FBXL20: variants seen among roughly 807,000 people sequenced by gnomAD.
FBXL20 encodes the protein F-box and leucine rich repeat protein 20.
FBXL20 carries 11 observed loss-of-function variants against 64.0 expected under a neutral mutation model. The ratio of observed to expected loss-of-function variants is 0.17; its 90% confidence interval spans 0.11 to 0.28. The LOEUF (loss-of-function observed/expected upper bound fraction) is 0.28. Ranked by LOEUF, FBXL20 falls within the 10% of genes least tolerant of loss-of-function variation. The probability of loss-of-function intolerance (pLI) is 1.00; values close to 1 mark genes in which losing one functional copy is unlikely to be tolerated. For synonymous variants in FBXL20, 184 were observed against 189.0 expected, an observed-to-expected ratio of 0.97 and a Z score of 0.22; for missense variants, 303 against 526.2, an observed-to-expected ratio of 0.58 and a Z score of 4.15.
Position 39,261,456 on chromosome 17 carries a change from A to G in FBXL20, c.*4T>C, listed in dbSNP as rs187076537. ...CAGTTCGCCAAGGTTGACCACCTCC[A>G]TTGTCATAGGATGATGCAGCATCTG... On this transcript the variant is annotated 3_prime_UTR_variant, in exon 15 of 15. Coordinates refer to ENST00000264658, the MANE Select transcript of FBXL20 (RefSeq NM_032875.3). The G allele has an allele frequency of 1.5e-5, 24 of 1,611,222 alleles. No individual in the cohort carries two copies. In the East Asian group the frequency reaches 5.4e-4, roughly 36 times the overall value.
intron 2 of FBXL20, among the ~76,000 whole-genome samples, chr17:39,332,757 G>A (rs1244664220): frequency 6.6e-6 from 1 of 151,856 alleles, no homozygotes; most frequent in Non-Finnish European, 1.5e-5. Flanking sequence ...TAGCCAGAAT[G>A]GTCCCGATCT....
Position 39,343,230 on chromosome 17 carries a change from A to G in FBXL20, c.54T>C (p.Asn18=). Residue 18 remains asparagine, a synonymous_variant, in exon 2 of 15, where the codon AAT becomes AAC. Transcript: ENST00000264658. ...VTKSRFEMFS[N]SDEAVINKKL... Reference sequence around the variant, plus strand: ...TTTTATTGATTACAGCTTCATCACTATTTGAGAACATCTGCAAAAACAAAA... The same window carrying G: ...TTTTATTGATTACAGCTTCATCACTGTTTGAGAACATCTGCAAAAACAAAA... The G allele has an allele frequency of 9.4e-6, 15 of 1,598,238 alleles. No individual in the cohort carries two copies. Among genetic ancestry groups the G allele is most frequent in the Non-Finnish European group, 1.3e-5 (15 of 1,174,286 alleles).
chr17:39,401,303 T>C (rs1286752060), intron 1 of FBXL20, 58 bp downstream of exon 1: 2 of 1,611,282 alleles, frequency 1.2e-6, no homozygotes, highest in African/African-American at 1.3e-5. Context: ...GCGGACGTTT[T>C]GGGATTAGAG....
chr17:39,382,799 T>C (rs1436167928), intron 1 of FBXL20, among the ~76,000 whole-genome samples: 5 of 152,060 alleles, frequency 3.3e-5, no homozygotes, highest in African/African-American at 1.2e-4. Context: ...ATGATCCTAC[T>C]CTGCACTCTA....
intron 7 of FBXL20, among the ~76,000 whole-genome samples, chr17:39,285,044 T>C (rs2046977250): frequency 6.6e-6 from 1 of 152,062 alleles, no homozygotes; most frequent in South Asian, 2.1e-4. Context: ...TAGCTGGGAC[T>C]ACAGGCGCAC....
rs538258634 is a variant in FBXL20 at position 39,395,674 on chromosome 17, A to C, written c.42+5687T>G. On this transcript the variant is annotated intron_variant, in intron 1 of 14. Transcript: ENST00000264658. Reference sequence around the variant, plus strand: ...GAAACAAATTACTGTCACCCACTAGAAAAATATATACCATTTTCACATGCA... The same window carrying C: ...GAAACAAATTACTGTCACCCACTAGCAAAATATATACCATTTTCACATGCA... Among the ~76,000 whole-genome samples, 12 of 152,342 alleles carry C rather than the reference A, an allele frequency of 7.9e-5. No individual in the cohort carries two copies. The East Asian group carries it at 2.3e-3, about 29-fold the overall frequency.
intron 10 of FBXL20, 129 bp downstream of exon 10, chr17:39,274,841 A>C: frequency 1.7e-6 from 2 of 1,206,262 alleles, no homozygotes; most frequent in South Asian, 2.9e-5. Flanking sequence ...TGGGCATCTA[A>C]AAGGGACTAC....
At chr17:39,314,685 G>C (rs1053398550) in intron 2 of FBXL20, among the ~76,000 whole-genome samples, 6 of 151,694 alleles carry the variant, frequency 4.0e-5, no homozygotes, top group Non-Finnish European at 7.4e-5. Flanking sequence ...TCTATATTTA[G>C]AGATTTTAGA....
intron 1 of FBXL20, among the ~76,000 whole-genome samples, chr17:39,389,398 C>T (rs1394443235): frequency 3.3e-5 from 5 of 151,880 alleles, no homozygotes; most frequent in African/African-American, 7.3e-5. Context: ...CACATGCAAA[C>T]GATTTTCAAA....
chr17:39,391,116 G>A (rs903013742), intron 1 of FBXL20, among the ~76,000 whole-genome samples: 1 of 151,928 alleles, frequency 6.6e-6, no homozygotes, highest in African/African-American at 2.4e-5. Context: ...TTCCTCTAAA[G>A]CATTTAAAAT....
chr17:39,281,755 A>T (rs1462035540), intron 8 of FBXL20, among the ~76,000 whole-genome samples: 1 of 152,178 alleles, frequency 6.6e-6, no homozygotes, highest in Non-Finnish European at 1.5e-5. Flanking sequence ...TAAATTAAAT[A>T]TACCTGACAG....
intron 5 of FBXL20, among the ~76,000 whole-genome samples, chr17:39,297,724 G>A (rs1567868706): frequency 6.6e-6 from 1 of 151,942 alleles, no homozygotes; most frequent in Non-Finnish European, 1.5e-5. Context: ...ACAGGTGTGA[G>A]CCATTAAGCC....
intron 2 of FBXL20, 32 bp from the exon 3 acceptor site, chr17:39,303,671 T>C (rs762018954): frequency 1.3e-6 from 2 of 1,574,382 alleles, no homozygotes; most frequent in Non-Finnish European, 1.7e-6. Context: ...ACAAATTTTA[T>C]TGTATGATAA....
At chr17:39,371,376 G>A (rs960665143) in intron 1 of FBXL20, among the ~76,000 whole-genome samples, 4 of 151,900 alleles carry the variant, frequency 2.6e-5, no homozygotes, top group Non-Finnish European at 4.4e-5. Flanking sequence ...TCTTTTCTCT[G>A]GGGCCATTCT....
chr17:39,336,117 G>A (rs562613681), intron 2 of FBXL20, among the ~76,000 whole-genome samples: 1 of 152,032 alleles, frequency 6.6e-6, no homozygotes, highest in African/African-American at 2.4e-5. Flanking sequence ...CCTGTCAGAG[G>A]GGGGAGGGGA....
rs2144315465 is a variant in FBXL20 at position 39,255,228 on chromosome 17, G to T, written c.*6232C>A. 1 of 152,112 alleles carries T rather than the reference G, an allele frequency of 6.6e-6. No individual in the cohort carries two copies. The highest frequency in any genetic ancestry group is 1.9e-4 in the East Asian group (1 of 5,150). The allele number at this position is 152,112 out of a possible 1,614,324, so 9.4% of individuals were successfully genotyped here. On this transcript the variant is annotated 3_prime_UTR_variant, in exon 15 of 15. Transcript: ENST00000264658. ...CGAGGCGGGTGGATCATGAGGTCAG[G>T]AGATCGAGACCATCCTGGCTAACAG...
chr17:39,345,054 C>T (rs2047619510), intron 1 of FBXL20, among the ~76,000 whole-genome samples: 1 of 152,138 alleles, frequency 6.6e-6, no homozygotes, highest in East Asian at 1.9e-4. Flanking sequence ...ATCAAAAGCC[C>T]AGTAAAAATG....
At position 39,401,389 on chromosome 17, in the gene FBXL20, A is replaced by G; in HGVS notation, c.14T>C (p.Val5Ala). 6.2e-7 allele frequency: 1 copy of G among 1,611,322 alleles called. No homozygotes were observed. The highest frequency in any genetic ancestry group is 1.3e-5 in the African/African-American group (1 of 74,864). ...AAACCTGCTCTTGGTCACTCCGTTCACGTCCCTCCTCATGGGGCCGGCGGG... is the reference window on the plus strand; with the variant it reads ...AAACCTGCTCTTGGTCACTCCGTTCGCGTCCCTCCTCATGGGGCCGGCGGG... Reference protein sequence around the residue: MRRDVNGVTKSRFEM... With the variant: MRRDANGVTKSRFEM... The change falls in exon 1 of 15, where the codon GTG becomes GCG. Residue 5 changes from valine (V) to alanine (A), a missense_variant. Transcript: ENST00000264658.
At chr17:39,298,777 C>T (rs1173506733) in intron 5 of FBXL20, among the ~76,000 whole-genome samples, 2 of 151,900 alleles carry the variant, frequency 1.3e-5, no homozygotes, top group Non-Finnish European at 2.9e-5. Context: ...AAAAGAACCA[C>T]TTATGATGGG....
Sources: gnomAD v4.1 joint callset for allele counts (sites outside exome capture counted in the v4.1 genomes callset) on GRCh38, gnomAD v4.1.1 for gene constraint, MANE v1.5 for transcripts, NCBI Gene and HGNC (gene_info 2026-07-23, HGNC 2026-07-21) for gene names.